GMDS: variants seen among roughly 807,000 people sequenced by gnomAD.
The protein encoded by GMDS is GDP-mannose 4,6-dehydratase, also known as GDP-mannose 4,6 dehydratase.
In GMDS, 20 loss-of-function variants were observed where a neutral mutation model predicts 49.9. That is an observed-to-expected ratio of 0.40 (90% CI 0.28 to 0.58). GMDS has a LOEUF of 0.58. Among genes scored for constraint, GMDS ranks in the 20% least tolerant of loss-of-function variants. The probability of loss-of-function intolerance (pLI) is 0.42; values close to 1 mark genes in which losing one functional copy is unlikely to be tolerated. For missense variants in GMDS, 362 were observed against 481.4 expected (o/e 0.75, Z 2.32); for synonymous variants, 177 against 178.6 (o/e 0.99, Z 0.07).
intron 7 of GMDS, among the ~76,000 whole-genome samples, chr6:1,809,440 T>C (rs1303724938): frequency 6.6e-6 from 1 of 152,212 alleles, no homozygotes; most frequent in Admixed American, 6.5e-5. Flanking sequence ...CCTAGGCTCA[T>C]AGCTGTAAAA....
intron 9 of GMDS, among the ~76,000 whole-genome samples, chr6:1,682,232 A>G (rs9501759): frequency 0.34 from 51,287 of 152,138 alleles, 9,048 homozygotes; most frequent in Middle Eastern, 0.47. Flanking sequence ...AATTTATTTT[A>G]TGACAAATAC....
At chr6:1,791,845 T>C (rs1198111077) in intron 7 of GMDS, among the ~76,000 whole-genome samples, 1 of 152,146 alleles carries the variant, frequency 6.6e-6, no homozygotes, top group African/African-American at 2.4e-5. Flanking sequence ...CAAAATAGCA[T>C]ATATAAGTAA....
At chr6:2,240,876 G>A (rs1781585659) in intron 1 of GMDS, among the ~76,000 whole-genome samples, 1 of 152,132 alleles carries the variant, frequency 6.6e-6, no homozygotes, top group South Asian at 2.1e-4. Context: ...TAGAGAAAAG[G>A]GAAACAGATC....
intron 4 of GMDS, among the ~76,000 whole-genome samples, chr6:1,986,242 G>A (rs907751878): frequency 2.0e-5 from 3 of 152,246 alleles, no homozygotes; most frequent in Middle Eastern, 3.4e-3. Context: ...GATGTTACCT[G>A]CTTTCCCTAC....
intron 4 of GMDS, among the ~76,000 whole-genome samples, chr6:1,963,329 A>G (rs1297912514): frequency 6.6e-6 from 1 of 152,256 alleles, no homozygotes; most frequent in Non-Finnish European, 1.5e-5. Flanking sequence ...CTGGGAATAC[A>G]GGCATGTGGT....
chr6:2,011,259 C>T (rs1163880538), intron 4 of GMDS, among the ~76,000 whole-genome samples: 2 of 152,078 alleles, frequency 1.3e-5, no homozygotes, highest in Non-Finnish European at 2.9e-5. Flanking sequence ...TATCATCTTA[C>T]AACAGTCCAA....
At chr6:1,973,358 T>C (rs1313851864) in intron 4 of GMDS, among the ~76,000 whole-genome samples, 1 of 152,204 alleles carries the variant, frequency 6.6e-6, no homozygotes, top group Non-Finnish European at 1.5e-5. Flanking sequence ...TGATCATATA[T>C]CTACCAAGAT....
At chr6:1,993,619 CATT>C (rs1766090502) in intron 4 of GMDS, among the ~76,000 whole-genome samples, 1 of 152,002 alleles carries the variant, frequency 6.6e-6, no homozygotes, top group Non-Finnish European at 1.5e-5. Flanking sequence ...GGCCGTGCTT[CATT>C]ATTATTTCCT....
Position 1,747,446 on chromosome 6 carries a change from A to G in GMDS, c.772-4860T>C, listed in dbSNP as rs190800540. Among the ~76,000 whole-genome samples, 162 of 131,282 alleles carry G rather than the reference A, an allele frequency of 1.2e-3. 1 individual carries two copies. The highest frequency in any genetic ancestry group is 4.5e-3 in the African/African-American group (155 of 34,784). 86.1% of individuals were successfully genotyped at this position (131,282 alleles called of 152,430 possible). On this transcript the variant is annotated intron_variant, in intron 7 of 10. Transcript: ENST00000380815. The stretch of plus-strand genomic sequence containing the variant: ...TTGTGCTTTACGTGCTACTGTCACA[A>G]AAACCTTAAAACTACACACACACAC...
At chr6:1,979,408 T>C (rs1379382480) in intron 4 of GMDS, among the ~76,000 whole-genome samples, 2 of 152,068 alleles carry the variant, frequency 1.3e-5, no homozygotes, top group Non-Finnish European at 2.9e-5. Context: ...ATCACAAATA[T>C]TAACAGCAGA....
chr6:1,863,729 A>G (rs1427159176), intron 7 of GMDS, among the ~76,000 whole-genome samples: 1 of 152,198 alleles, frequency 6.6e-6, no homozygotes, highest in Non-Finnish European at 1.5e-5. Context: ...TATGTGTCTG[A>G]AGAGTATAGT....
At chr6:1,706,460 G>A (rs370237140) in intron 9 of GMDS, among the ~76,000 whole-genome samples, 4 of 152,310 alleles carry the variant, frequency 2.6e-5, no homozygotes, top group African/African-American at 7.2e-5. Flanking sequence ...TTCCTCATGC[G>A]TTTCTTTATT....
intron 1 of GMDS, among the ~76,000 whole-genome samples, chr6:2,210,803 G>T (rs1233333047): frequency 6.6e-6 from 1 of 152,168 alleles, no homozygotes; most frequent in Non-Finnish European, 1.5e-5. Flanking sequence ...GACTAACATG[G>T]TTTGGCTCTG....
At chr6:2,245,013 A>T (rs912752068) in intron 1 of GMDS, among the ~76,000 whole-genome samples, 1 of 152,192 alleles carries the variant, frequency 6.6e-6, no homozygotes, top group Non-Finnish European at 1.5e-5. Context: ...TTGGAGGAAG[A>T]GACGCTGCGG....
chr6:1,818,892 T>C (rs141939026), intron 7 of GMDS, among the ~76,000 whole-genome samples: 1 of 152,264 alleles, frequency 6.6e-6, no homozygotes, highest in East Asian at 1.9e-4. Flanking sequence ...TGTCTCAAAC[T>C]AGAGATAATA....
At chr6:1,718,865 A>G (rs868282684) in intron 9 of GMDS, among the ~76,000 whole-genome samples, 87 of 152,040 alleles carry the variant, frequency 5.7e-4, no homozygotes, top group African/African-American at 2.0e-3. Flanking sequence ...TTAAATGTGC[A>G]TGGTCAATGT....
intron 7 of GMDS, among the ~76,000 whole-genome samples, chr6:1,892,822 T>C (rs1759936267): frequency 6.6e-6 from 1 of 152,230 alleles, no homozygotes; most frequent in South Asian, 2.1e-4. Flanking sequence ...GCCAATGCCT[T>C]GGCCTACTGT....
chr6:1,821,611 GTTTTTTTT>G (rs3039703), intron 7 of GMDS, among the ~76,000 whole-genome samples: 77 of 109,836 alleles, frequency 7.0e-4, no homozygotes, highest in South Asian at 1.8e-3. Flanking sequence ...CAATTTATTT[GTTTTTTTT>G]TTTTTTTTTT....
intron 9 of GMDS, among the ~76,000 whole-genome samples, chr6:1,647,205 T>C (rs1274840260): frequency 6.6e-6 from 1 of 152,152 alleles, no homozygotes. Flanking sequence ...GGCTTTAAAG[T>C]GGTTTCTTAA....
Sources: gnomAD v4.1 joint callset for allele counts (sites outside exome capture counted in the v4.1 genomes callset) on GRCh38, gnomAD v4.1.1 for gene constraint, MANE v1.5 for transcripts, NCBI Gene and HGNC (gene_info 2026-07-23, HGNC 2026-07-21) for gene names.